TNNT2: variants seen among roughly 807,000 people sequenced by gnomAD.
TNNT2 encodes troponin T2, cardiac type.
A neutral mutation model predicts 62.4 loss-of-function variants in TNNT2; 34 were observed. That is an observed-to-expected ratio of 0.54 (90% CI 0.41 to 0.72). The LOEUF is 0.72. Ranked by LOEUF, TNNT2 falls within the 30% of genes least tolerant of loss-of-function variation. The pLI, the probability that TNNT2 is intolerant of heterozygous loss-of-function variation, is 0.00. For missense variants in TNNT2, 275 were observed against 381.9 expected (o/e 0.72, Z 2.33); for synonymous variants, 123 against 127.2 (o/e 0.97, Z 0.22).
intron 4 of TNNT2, among the ~76,000 whole-genome samples, chr1:201,370,714 A>T (rs1038398521): frequency 2.6e-5 from 4 of 152,190 alleles, no homozygotes; most frequent in Admixed American, 1.3e-4. Context: ...CACAGTGGAG[A>T]ATGACTCTGC....
chr1:201,360,110 T>C (rs973589064), intron 15 of TNNT2, among the ~76,000 whole-genome samples: 1 of 152,114 alleles, frequency 6.6e-6, no homozygotes, highest in Admixed American at 6.5e-5. Flanking sequence ...GCCCCAAAGT[T>C]TGGCAAATCT....
intron 5 of TNNT2, chr1:201,369,349 T>A: frequency 4.2e-6 from 2 of 473,474 alleles, no homozygotes; most frequent in Non-Finnish European, 8.8e-6. Context: ...GCTCTGGCTA[T>A]TTCCAGTCTC....
chr1:201,365,741 A>T (rs905432029), intron 8 of TNNT2, 71 bp from the exon 9 acceptor site: 5 of 1,588,354 alleles, frequency 3.1e-6, no homozygotes, highest in Non-Finnish European at 4.3e-6. Context: ...CAGGACAGGC[A>T]GGGCCCTGAT....
Position 201,368,236 on chromosome 1 carries a change from G to A in TNNT2, c.98-9C>T. The A allele has an allele frequency of 3.7e-6, 6 of 1,614,032 alleles. No homozygotes were observed. The highest frequency in any genetic ancestry group is 5.1e-6 in the Non-Finnish European group (6 of 1,179,956). ...CGCTGCCTCCTCCTGCTCTGGAGAA[G>A]TGAAGCAGACAGAGTGAAGAAGCAG... On this transcript the variant is annotated splice_polypyrimidine_tract_variant and intron_variant, in intron 5 of 16. Coordinates refer to ENST00000656932, the MANE Select transcript of TNNT2 (RefSeq NM_001276345.2).
intron 1 of TNNT2, chr1:201,375,398 G>C (rs1489516517): frequency 6.6e-6 from 1 of 152,216 alleles, no homozygotes; most frequent in Non-Finnish European, 1.5e-5. Flanking sequence ...GACAGTGAGG[G>C]AGGAGCCTTG....
At chr1:201,373,414 G>A (rs1036379720) in intron 1 of TNNT2, 146 bp from the exon 2 acceptor site, 10 of 743,962 alleles carry the variant, frequency 1.3e-5, no homozygotes, top group South Asian at 3.0e-5. Flanking sequence ...GCAACAAAAA[G>A]CCTGTTTTCT....
intron 5 of TNNT2, 71 bp from the exon 6 acceptor site, chr1:201,368,298 G>T: frequency 6.5e-7 from 1 of 1,532,772 alleles, no homozygotes. Flanking sequence ...CCAGAGCAGA[G>T]AATGGGCAGC....
chr1:201,361,743 G>A lies in TNNT2; in HGVS notation c.719+170C>T, dbSNP rs553791634. 2.0e-5 allele frequency among the ~76,000 whole-genome samples: 3 copies of A among 152,366 alleles called. No individual in the cohort carries two copies. The East Asian group carries it at 5.8e-4, about 29-fold the overall frequency. On this transcript the variant is annotated intron_variant, in intron 14 of 16. Coordinates refer to ENST00000656932, the MANE Select transcript of TNNT2 (RefSeq NM_001276345.2). ...TTTCCCCATCAGCAAAGCCCAGAAA[G>A]GAGTTGGCCCGACCTGCTGGGGCCC...
intron 9 of TNNT2, 57 bp downstream of exon 9, chr1:201,365,553 G>T: frequency 1.9e-6 from 3 of 1,573,776 alleles, no homozygotes; most frequent in East Asian, 2.2e-5. Context: ...CTCTGTCACT[G>T]AGGGCCCTTG....
At chr1:201,362,306 C>T (rs1658822367) in intron 13 of TNNT2, 80 bp downstream of exon 13, 1 of 1,584,090 alleles carries the variant, frequency 6.3e-7, no homozygotes, top group Non-Finnish European at 8.6e-7. Context: ...CACTCCTCCC[C>T]TCCAGCAAGG....
At position 201,365,244 on chromosome 1, in the gene TNNT2, A is replaced by T. The variant is rs121964858; in HGVS notation, c.358T>A (p.Phe120Ile). 1.9e-6 allele frequency: 3 copies of T among 1,614,038 alleles called. No homozygotes were observed. The East Asian group carries it at 6.7e-5, about 36-fold the overall frequency. ...NELQALIEAH[F>I]ENRKKEEEEL... Reference sequence around the variant, plus strand: ...TCCTCCTCTTTCTTCCTGTTCTCAAAGTGAGCCTCGATCAGCGCCTGCAAC... The same window carrying T: ...TCCTCCTCTTTCTTCCTGTTCTCAATGTGAGCCTCGATCAGCGCCTGCAAC... Residue 120 changes from phenylalanine (F) to isoleucine (I), a missense_variant, in exon 10 of 17, where the codon TTT becomes ATT. By Grantham distance (21) the Phe-to-Ile change is conservative (BLOSUM62 0). Transcript: ENST00000656932.
chr1:201,372,305 C>A, intron 2 of TNNT2, 150 bp from the exon 3 acceptor site: 2 of 1,160,710 alleles, frequency 1.7e-6, no homozygotes, highest in Non-Finnish European at 2.5e-6. Context: ...CTGCCCTGCC[C>A]ACCTTGCAAT....
At chr1:201,373,832 C>T (rs569995667) in intron 1 of TNNT2, 41 of 185,900 alleles carry the variant, frequency 2.2e-4, no homozygotes, top group Non-Finnish European at 4.0e-4. Context: ...CTCAGCCTCT[C>T]GAAGTGCTGA....
intron 16 of TNNT2, 150 bp from the exon 17 acceptor site, chr1:201,359,405 G>C: frequency 9.0e-7 from 1 of 1,110,822 alleles, no homozygotes; most frequent in Non-Finnish European, 1.3e-6. Context: ...GAGGCTGGAG[G>C]GAAGCTTCTC....
At chr1:201,361,813 G>T in intron 14 of TNNT2, 100 bp downstream of exon 14, 1 of 1,147,350 alleles carries the variant, frequency 8.7e-7, no homozygotes, top group Non-Finnish European at 1.3e-6. Context: ...ATGTGAGGCA[G>T]TCCTGCCCTC....
intron 11 of TNNT2, 134 bp downstream of exon 11, chr1:201,364,164 G>A (rs1035420382): frequency 2.0e-6 from 2 of 986,600 alleles, no homozygotes; most frequent in Admixed American, 2.1e-5. Flanking sequence ...GATTACAGGC[G>A]TGAGCCACCG....
In TNNT2 at chr1:201,365,203, G is replaced by A; in HGVS notation, c.399C>T (p.Leu133=). Residue 133 remains leucine (L), a synonymous_variant, in exon 10 of 17, where the codon CTC becomes CTT. Transcript: ENST00000656932. ...RKKEEEELVS[L]KDRIERRRAE... is the part of the protein sequence containing the mutation. ...ACTGGACACCTACGATCCTGTCTTT[G>A]AGAGAAACGAGCTCCTCCTCCTCTT... is the stretch of plus-strand genomic sequence containing the variant. 1 of 1,613,758 alleles carries A rather than the reference G, an allele frequency of 6.2e-7. No individual in the cohort carries two copies. Among genetic ancestry groups the A allele is most frequent in the South Asian group, 1.1e-5 (1 of 91,078 alleles).
intron 2 of TNNT2, among the ~76,000 whole-genome samples, chr1:201,372,565 C>T (rs528982003): frequency 6.6e-6 from 1 of 152,342 alleles, no homozygotes; most frequent in East Asian, 1.9e-4. Context: ...TCTCCCTCTC[C>T]TCAGAACTCC....
At chr1:201,366,502 T>G in intron 8 of TNNT2, 1 of 1,207,416 alleles carries the variant, frequency 8.3e-7, no homozygotes, top group Non-Finnish European at 1.0e-6. Context: ...TTGCTTCCCT[T>G]AATCCCAAGG....
Sources: gnomAD v4.1 joint callset for allele counts (sites outside exome capture counted in the v4.1 genomes callset) on GRCh38, gnomAD v4.1.1 for gene constraint, MANE v1.5 for transcripts, NCBI Gene and HGNC (gene_info 2026-07-23, HGNC 2026-07-21) for gene names.